The following RNF150 variants were observed in gnomAD, a reference collection of about 807,000 sequenced individuals.
RNF150 encodes the protein ring finger protein 150.
Under a neutral mutation model 39.3 loss-of-function variants are expected in RNF150, and 24 were observed. That is an observed-to-expected ratio of 0.61 (90% CI 0.44 to 0.86). The LOEUF (loss-of-function observed/expected upper bound fraction) is 0.86. Ranked by LOEUF, RNF150 falls within the 40% of genes least tolerant of loss-of-function variation. The pLI, the probability that RNF150 is intolerant of heterozygous loss-of-function variation, is 0.00. For missense variants in RNF150, 502 were observed against 587.8 expected, an observed-to-expected ratio of 0.85 and a Z score of 1.51; for synonymous variants, 255 against 227.3, an observed-to-expected ratio of 1.12 and a Z score of -1.10.
intron 1 of RNF150, among the ~76,000 whole-genome samples, chr4:141,021,008 A>G (rs1735470092): frequency 6.6e-6 from 1 of 152,204 alleles, no homozygotes; most frequent in South Asian, 2.1e-4. Flanking sequence ...ACTGGGCTCA[A>G]TTCCAAACAC....
chr4:141,092,434 T>A (rs957874294), intron 1 of RNF150, among the ~76,000 whole-genome samples: 15 of 152,226 alleles, frequency 9.9e-5, no homozygotes, highest in African/African-American at 3.4e-4. Flanking sequence ...TAAAAAAATT[T>A]GTATTCATCA....
Position 140,996,279 on chromosome 4 carries a change from T to C in RNF150, c.485-28406A>G, listed in dbSNP as rs1322595010. 2.6e-5 allele frequency among the ~76,000 whole-genome samples: 4 copies of C among 152,362 alleles called. No individual in the cohort carries two copies. The South Asian group carries it at 6.2e-4, about 24-fold the overall frequency. On this transcript the variant is annotated intron_variant, in intron 1 of 6. Transcript: ENST00000515673. The stretch of plus-strand genomic sequence containing the variant: ...TGTGTGCCATTTGTATGTCTTCTTT[T>C]AAGAAATGTCTACTCAGATTTTTTA...
chr4:141,183,798 G>T (rs1054625667), intron 1 of RNF150, among the ~76,000 whole-genome samples: 2 of 152,018 alleles, frequency 1.3e-5, no homozygotes, highest in Non-Finnish European at 2.9e-5. Flanking sequence ...GAGAATGATG[G>T]TTCCCAGCTT....
chr4:141,030,170 G>T (rs957420715), intron 1 of RNF150, among the ~76,000 whole-genome samples: 1 of 151,750 alleles, frequency 6.6e-6, no homozygotes, highest in African/African-American at 2.4e-5. Context: ...CTCCAGCCTG[G>T]GCGACAAAGT....
intron 5 of RNF150, among the ~76,000 whole-genome samples, chr4:140,913,245 G>T (rs572321102): frequency 6.6e-6 from 1 of 152,160 alleles, no homozygotes; most frequent in Non-Finnish European, 1.5e-5. Context: ...TGGCGACAGA[G>T]CAAGACTCTG....
chr4:141,126,379 T>G (rs879662357), intron 1 of RNF150, among the ~76,000 whole-genome samples: 3 of 152,200 alleles, frequency 2.0e-5, no homozygotes, highest in Non-Finnish European at 4.4e-5. Flanking sequence ...TCAACCTGAA[T>G]GCCAGAGAAA....
chr4:140,995,589 C>A (rs79108879), intron 1 of RNF150, among the ~76,000 whole-genome samples: 11,135 of 152,118 alleles, frequency 0.073, 461 homozygotes, highest in Middle Eastern at 0.16. Flanking sequence ...GCTTCCGCCC[C>A]ATCCCTGTTT....
At chr4:140,922,497 A>G (rs1731198593) in intron 5 of RNF150, among the ~76,000 whole-genome samples, 1 of 152,068 alleles carries the variant, frequency 6.6e-6, no homozygotes, top group African/African-American at 2.4e-5. Context: ...AGAACATTCC[A>G]TGCTCATAGA....
rs139360385 is a variant in RNF150, at chr4:141,016,016, C to A, written c.485-48143G>T. Among the ~76,000 whole-genome samples the A allele has an allele frequency of 1.3e-3, 193 of 152,270 alleles. 8 individuals are homozygous for A. In the East Asian group the frequency reaches 0.029, roughly 23 times the overall value. On this transcript the variant is annotated intron_variant, in intron 1 of 6. Coordinates refer to ENST00000515673, the MANE Select transcript of RNF150 (RefSeq NM_020724.2). ...CTCTCCACGTCCTGAATTCTAAATT[C>A]CACTCTCCTTGCTTCCAATGTTGTT...
At chr4:140,938,886 A>G (rs1731967422) in intron 4 of RNF150, among the ~76,000 whole-genome samples, 1 of 152,208 alleles carries the variant, frequency 6.6e-6, no homozygotes, top group Admixed American at 6.5e-5. Flanking sequence ...TTAAAAATAT[A>G]CATCAGTCAC....
At chr4:140,997,573 A>G (rs1308378572) in intron 1 of RNF150, among the ~76,000 whole-genome samples, 4 of 148,728 alleles carry the variant, frequency 2.7e-5, no homozygotes, top group African/African-American at 9.8e-5. Flanking sequence ...AGCTCTACGA[A>G]TATTCTTGGT....
intron 1 of RNF150, among the ~76,000 whole-genome samples, chr4:141,111,609 C>T (rs1341141020): frequency 3.9e-5 from 6 of 151,980 alleles, no homozygotes; most frequent in South Asian, 2.1e-4. Context: ...ATGTTAAAAT[C>T]GCAACAAAAG....
intron 5 of RNF150, among the ~76,000 whole-genome samples, chr4:140,918,450 C>A (rs1264383655): frequency 1.3e-5 from 2 of 152,198 alleles, no homozygotes; most frequent in Non-Finnish European, 2.9e-5. Flanking sequence ...TGGATAAATT[C>A]CTGGACACAT....
At chr4:141,204,032 G>C (rs10012469) in intron 1 of RNF150, among the ~76,000 whole-genome samples, 25,417 of 152,130 alleles carry the variant, frequency 0.17, 2,420 homozygotes, top group Non-Finnish European at 0.21. Flanking sequence ...GGAACTGAAA[G>C]CAGCTCATTG....
At chr4:141,119,103 T>C (rs1382722474) in intron 1 of RNF150, among the ~76,000 whole-genome samples, 1 of 152,180 alleles carries the variant, frequency 6.6e-6, no homozygotes, top group Non-Finnish European at 1.5e-5. Context: ...ACACTTCAAT[T>C]ACTATAACAA....
chr4:141,075,609 T>C (rs186186780), intron 1 of RNF150, among the ~76,000 whole-genome samples: 2 of 152,382 alleles, frequency 1.3e-5, no homozygotes, highest in East Asian at 3.9e-4. Context: ...AATTTTTATA[T>C]TCACTGCAGC....
intron 1 of RNF150, among the ~76,000 whole-genome samples, chr4:141,142,567 T>C (rs1156956916): frequency 1.3e-5 from 2 of 152,254 alleles, no homozygotes; most frequent in Non-Finnish European, 2.9e-5. Context: ...TTACCCAGTA[T>C]ATTCTGGCTT....
At chr4:140,924,372 T>C (rs563195132) in intron 5 of RNF150, among the ~76,000 whole-genome samples, 6 of 152,324 alleles carry the variant, frequency 3.9e-5, no homozygotes, top group Non-Finnish European at 5.9e-5. Flanking sequence ...TATACCTCCA[T>C]TGAAAAAATC....
chr4:140,980,945 T>C (rs1220115899), intron 1 of RNF150, among the ~76,000 whole-genome samples: 1 of 152,192 alleles, frequency 6.6e-6, no homozygotes, highest in Non-Finnish European at 1.5e-5. Flanking sequence ...AACTGTCTCA[T>C]TACTTTTACT....
Sources: allele counts gnomAD v4.1 joint callset (sites outside exome capture counted in the v4.1 genomes callset), GRCh38; gene constraint gnomAD v4.1.1; transcripts MANE v1.5; gene names NCBI Gene and HGNC (gene_info 2026-07-23, HGNC 2026-07-21).